NR5A2: variants seen among roughly 807,000 people sequenced by gnomAD.
NR5A2 encodes the protein nuclear receptor subfamily 5 group A member 2.
In NR5A2, 26 loss-of-function variants were observed where a neutral mutation model predicts 62.7. The observed-to-expected ratio is 0.41, with a 90% CI of 0.30 to 0.58. The LOEUF (loss-of-function observed/expected upper bound fraction) is 0.58, where lower values mean the gene tolerates loss of function less well. Among genes scored for constraint, NR5A2 ranks in the 20% least tolerant of loss-of-function variants. The probability of loss-of-function intolerance (pLI) is 0.22; values close to 1 mark genes in which losing one functional copy is unlikely to be tolerated. For synonymous variants in NR5A2, 246 were observed against 241.7 expected (o/e 1.02, Z -0.16); for missense variants, 541 against 669.1 (o/e 0.81, Z 2.11).
chr1:200,069,770 A>T (rs1211110714), intron 5 of NR5A2, among the ~76,000 whole-genome samples: 1 of 152,172 alleles, frequency 6.6e-6, no homozygotes, highest in Non-Finnish European at 1.5e-5. Flanking sequence ...ATTTGATTTT[A>T]TTTACCCAGT....
chr1:200,148,744 T>A (rs1308183995), intron 7 of NR5A2, among the ~76,000 whole-genome samples: 1 of 151,986 alleles, frequency 6.6e-6, no homozygotes, highest in African/African-American at 2.4e-5. Context: ...TTAATATATT[T>A]TAGTAGCTAA....
At chr1:200,076,494 T>C (rs947071623) in intron 5 of NR5A2, among the ~76,000 whole-genome samples, 3 of 152,010 alleles carry the variant, frequency 2.0e-5, no homozygotes, top group East Asian at 1.9e-4. Flanking sequence ...CCGTATCTTA[T>C]TTGTTTTAAA....
intron 7 of NR5A2, among the ~76,000 whole-genome samples, chr1:200,169,447 G>A (rs1654069890): frequency 6.6e-6 from 1 of 152,108 alleles, no homozygotes; most frequent in Admixed American, 6.5e-5. Flanking sequence ...AAGGTTTATA[G>A]GCTGCACCAT....
intron 7 of NR5A2, among the ~76,000 whole-genome samples, chr1:200,143,686 A>G (rs1381657070): frequency 7.5e-6 from 1 of 133,994 alleles, no homozygotes; most frequent in Non-Finnish European, 1.5e-5. Flanking sequence ...TCTGTTGCCC[A>G]GGCTGGAGTG....
intron 1 of NR5A2, among the ~76,000 whole-genome samples, chr1:200,033,455 T>C (rs1661618647): frequency 6.6e-6 from 1 of 152,036 alleles, no homozygotes; most frequent in South Asian, 2.1e-4. Context: ...CAGTGAGATA[T>C]GCTAGTCCCA....
chr1:200,125,263 A>G (rs1425088213), intron 7 of NR5A2, among the ~76,000 whole-genome samples: 2 of 152,264 alleles, frequency 1.3e-5, no homozygotes, highest in Non-Finnish European at 2.9e-5. Context: ...GTTAAGTAAT[A>G]GTAGTTAAGA....
chr1:200,048,021 T>C lies in NR5A2; in HGVS notation c.464-151T>C. ...GAATTCATAAATAAAGAGGACATGGTTTTTTGGGAAATCTTTGTGGGCTAT... is the reference window on the plus strand; with the variant it reads ...GAATTCATAAATAAAGAGGACATGGCTTTTTGGGAAATCTTTGTGGGCTAT... On this transcript the variant is annotated intron_variant, in intron 4 of 7. Transcript: ENST00000367362. The surrounding 1 kb of genome is among the most constrained non-coding windows in gnomAD (Gnocchi z 4.8). 1.5e-6 allele frequency: 1 copy of C among 688,274 alleles called. No individual in the cohort carries two copies. The highest frequency in any genetic ancestry group is 2.4e-5 in the South Asian group (1 of 41,688). The allele number at this position is 688,274 out of a possible 1,614,324, so 42.6% of individuals were successfully genotyped here.
At chr1:200,168,107 T>A (rs1467350872) in intron 7 of NR5A2, among the ~76,000 whole-genome samples, 1 of 152,098 alleles carries the variant, frequency 6.6e-6, no homozygotes, top group African/African-American at 2.4e-5. Context: ...TATGAAATAA[T>A]AAATAAAGCA....
At chr1:200,094,179 T>C (rs12071095) in intron 5 of NR5A2, among the ~76,000 whole-genome samples, 3 of 126,966 alleles carry the variant, frequency 2.4e-5, no homozygotes, top group Non-Finnish European at 4.8e-5. Flanking sequence ...AAAAAAAAAA[T>C]TGGTTTTTTT....
chr1:200,142,803 CAATT>C (rs1667505182), intron 7 of NR5A2, among the ~76,000 whole-genome samples: 1 of 151,832 alleles, frequency 6.6e-6, no homozygotes, highest in Admixed American at 6.6e-5. Context: ...TTTAATTAAT[CAATT>C]TATTTATTAA....
chr1:200,090,019 A>G (rs1664744487), intron 5 of NR5A2, among the ~76,000 whole-genome samples: 1 of 152,198 alleles, frequency 6.6e-6, no homozygotes, highest in Admixed American at 6.5e-5. Context: ...AATGGGGACT[A>G]TTTGAAATGG....
chr1:200,070,353 T>C (rs1160685438), intron 5 of NR5A2, among the ~76,000 whole-genome samples: 4 of 152,062 alleles, frequency 2.6e-5, no homozygotes, highest in African/African-American at 7.2e-5. Flanking sequence ...TGTCTGAGGA[T>C]TTTTATTTTT....
chr1:200,126,248 G>C (rs1182018881), intron 7 of NR5A2, among the ~76,000 whole-genome samples: 2 of 152,180 alleles, frequency 1.3e-5, no homozygotes, highest in Non-Finnish European at 2.9e-5. Context: ...ACTTTAAACT[G>C]TATAAGTCTG....
At chr1:200,065,692 C>G (rs1223988614) in intron 5 of NR5A2, among the ~76,000 whole-genome samples, 1 of 152,088 alleles carries the variant, frequency 6.6e-6, no homozygotes, top group African/African-American at 2.4e-5. Context: ...CAGTATGTGT[C>G]AAGCCCTGTT....
At chr1:200,153,812 G>A (rs1374733298) in intron 7 of NR5A2, among the ~76,000 whole-genome samples, 6 of 151,832 alleles carry the variant, frequency 4.0e-5, no homozygotes, top group Admixed American at 3.3e-4. Context: ...GGAGATAGAG[G>A]GATGGAGGGA....
intron 7 of NR5A2, among the ~76,000 whole-genome samples, chr1:200,168,048 A>G (rs749682081): frequency 1.1e-4 from 16 of 148,496 alleles, no homozygotes; most frequent in Non-Finnish European, 1.8e-4. Context: ...TGAATGAATA[A>G]ATGAATGAAT....
intron 5 of NR5A2, among the ~76,000 whole-genome samples, chr1:200,089,797 C>T (rs1281573512): frequency 1.3e-5 from 2 of 152,192 alleles, no homozygotes; most frequent in Non-Finnish European, 2.9e-5. Context: ...TGTCAAACAA[C>T]ACATTCTCTG....
chr1:200,069,261 C>CT (rs71132652), intron 5 of NR5A2, among the ~76,000 whole-genome samples: 75,402 of 148,982 alleles, frequency 0.51, 18,934 homozygotes, highest in African/African-American at 0.54. Flanking sequence ...AATTCATATT[C>CT]TTTTTTTTTT....
At chr1:200,130,278 GGAAGAAGAAGAAGAAGAA>G (rs66507419) in intron 7 of NR5A2, among the ~76,000 whole-genome samples, 10,074 of 106,442 alleles carry the variant, frequency 0.095, 725 homozygotes, top group East Asian at 0.3. Context: ...GAACTAACTA[GGAAGAAGAAGAAGAAGAA>G]GAAGAAGAAG....
Sources: gnomAD v4.1 joint callset for allele counts (sites outside exome capture counted in the v4.1 genomes callset) on GRCh38, gnomAD v4.1.1 for gene constraint, Gnocchi (gnomAD v3.1) non-coding constraint, MANE v1.5 for transcripts, NCBI Gene and HGNC (gene_info 2026-07-23, HGNC 2026-07-21) for gene names.